STXBP4: variants seen among roughly 807,000 people sequenced by gnomAD.
STXBP4 encodes syntaxin binding protein 4, also known as syntaxin-binding protein 4.
Under a neutral mutation model 76.1 loss-of-function variants are expected in STXBP4, and 55 were observed. The observed-to-expected ratio is 0.72, with a 90% CI of 0.58 to 0.91. The LOEUF (loss-of-function observed/expected upper bound fraction) is 0.91. Among genes scored for constraint, STXBP4 ranks in the 40% least tolerant of loss-of-function variants. The pLI is 0.00. For synonymous variants in STXBP4, 201 were observed against 220.2 expected (o/e 0.91, Z 0.77); for missense variants, 618 against 636.9 (o/e 0.97, Z 0.32).
chr17:55,159,973 T>A lies in STXBP4; in HGVS notation c.*62T>A. ...TGAGCAGAGACGCATAACATCCAAT[T>A]CTGAGATGAAACAGTCTAAAATAGG... On this transcript the variant is annotated 3_prime_UTR_variant, in exon 18 of 18. Transcript: ENST00000376352. 1 of 1,046,074 alleles carries A rather than the reference T, an allele frequency of 9.6e-7. No individual in the cohort carries two copies. The allele number at this position is 1,046,074 out of a possible 1,614,324, so 64.8% of individuals were successfully genotyped here.
At position 55,167,536 on chromosome 17, in the gene STXBP4, G is replaced by A. The variant is rs544711639; in HGVS notation, c.*7625G>A. 2 of 152,322 alleles carry A rather than the reference G, an allele frequency of 1.3e-5. No homozygotes were observed. Among genetic ancestry groups the A allele is most frequent in the South Asian group, 4.1e-4 (2 of 4,822 alleles). The allele number at this position is 152,322 out of a possible 1,614,324, so 9.4% of individuals were successfully genotyped here. ...CCATAAAACTCACAGTATGATCGCA[G>A]TAAAAGGATTGTAAAGCACATACTC... On this transcript the variant is annotated 3_prime_UTR_variant, in exon 18 of 18. Coordinates refer to ENST00000376352, the MANE Select transcript of STXBP4 (RefSeq NM_178509.6).
At position 55,162,587 on chromosome 17, in the gene STXBP4, CAA is replaced by C. The variant is rs2080346435; in HGVS notation, c.*2679_*2680del. 1 of 149,218 alleles carries C rather than the reference CAA, an allele frequency of 6.7e-6. No individual in the cohort carries two copies. Among genetic ancestry groups the C allele is most frequent in the African/African-American group, 2.5e-5 (1 of 40,722 alleles). 9.2% of individuals were successfully genotyped at this position (149,218 alleles called of 1,614,324 possible). On this transcript the variant is annotated 3_prime_UTR_variant, in exon 18 of 18. Coordinates refer to ENST00000376352, the MANE Select transcript of STXBP4 (RefSeq NM_178509.6). ...TCTTGATTTAAAAAAAAAAAAACAA[CAA>C]AAGAGTTTGTGTGTGGCCAGGACTA...
chr17:55,212,663 CTGTT>C, the STXBP4 span, among the ~76,000 whole-genome samples: 2 of 152,106 alleles, frequency 1.3e-5, no homozygotes, highest in Non-Finnish European at 2.9e-5. Flanking sequence ...CATCTTCTCA[CTGTT>C]TGTTAAAATG....
At chr17:55,066,267 A>T (rs762510122) in intron 12 of STXBP4, among the ~76,000 whole-genome samples, 11 of 152,062 alleles carry the variant, frequency 7.2e-5, no homozygotes, top group Non-Finnish European at 1.5e-4. Context: ...TGTGTCACCC[A>T]GGCTAGAGTG....
intron 16 of STXBP4, among the ~76,000 whole-genome samples, chr17:55,106,747 T>C (rs1423166233): frequency 1.3e-5 from 2 of 152,240 alleles, no homozygotes; most frequent in African/African-American, 2.4e-5. Context: ...TATGAAATTC[T>C]GGGTTGAAAA....
At chr17:55,080,220 C>T (rs375921263) in intron 15 of STXBP4, among the ~76,000 whole-genome samples, 4 of 152,138 alleles carry the variant, frequency 2.6e-5, no homozygotes, top group South Asian at 2.1e-4. Context: ...AGCTACATCA[C>T]GCAACATTTC....
chr17:55,120,267 A>G (rs1330964357), intron 16 of STXBP4, among the ~76,000 whole-genome samples: 1 of 152,232 alleles, frequency 6.6e-6, no homozygotes. Flanking sequence ...TTTTCAAATT[A>G]AAATTCCATA....
chr17:55,019,684 C>A (rs1381979565), intron 8 of STXBP4, among the ~76,000 whole-genome samples: 1 of 151,994 alleles, frequency 6.6e-6, no homozygotes, highest in Non-Finnish European at 1.5e-5. Flanking sequence ...CTCTAAGTAA[C>A]CCCTTTAAAT....
chr17:54,972,919 T>A (rs551283082), intron 1 of STXBP4, among the ~76,000 whole-genome samples: 2 of 152,204 alleles, frequency 1.3e-5, no homozygotes, highest in African/African-American at 2.4e-5. Context: ...AGTGAATTCA[T>A]CTCTGCCTGG....
At chr17:55,186,591 A>G in the STXBP4 span, among the ~76,000 whole-genome samples, 1 of 152,228 alleles carries the variant, frequency 6.6e-6, no homozygotes, top group Non-Finnish European at 1.5e-5. Context: ...TGGAAGTTAC[A>G]AGGCAGCTGA....
intron 12 of STXBP4, among the ~76,000 whole-genome samples, chr17:55,060,717 G>A (rs898131426): frequency 6.6e-6 from 1 of 152,052 alleles, no homozygotes; most frequent in African/African-American, 2.4e-5. Flanking sequence ...CAGAATAACC[G>A]AGCTTAAGTT....
At chr17:55,075,034 G>GTTAT (rs1162493479) in intron 13 of STXBP4, among the ~76,000 whole-genome samples, 8 of 151,270 alleles carry the variant, frequency 5.3e-5, no homozygotes, top group South Asian at 2.1e-4. Context: ...TTTTCTTTAT[G>GTTAT]TTATTTATTT....
At chr17:55,077,988 T>C (rs1173079406) in intron 13 of STXBP4, 90 bp from the exon 14 acceptor site, 2 of 759,210 alleles carry the variant, frequency 2.6e-6, no homozygotes, top group African/African-American at 3.6e-5. Flanking sequence ...TTTGGTAATA[T>C]TGAATATTAG....
At chr17:54,996,644 A>G (rs2077808347) in intron 4 of STXBP4, among the ~76,000 whole-genome samples, 1 of 152,152 alleles carries the variant, frequency 6.6e-6, no homozygotes, top group African/African-American at 2.4e-5. Context: ...AGCTAAGAAA[A>G]TAGAGGTTCA....
downstream of STXBP4, among the ~76,000 whole-genome samples, chr17:55,177,027 A>G (rs1023150998): frequency 3.9e-5 from 6 of 152,062 alleles, no homozygotes; most frequent in Middle Eastern, 6.3e-3. Flanking sequence ...CTGGGACCAA[A>G]TTACACCCCT....
At chr17:55,133,485 G>A (rs968269646) in intron 16 of STXBP4, among the ~76,000 whole-genome samples, 1 of 152,172 alleles carries the variant, frequency 6.6e-6, no homozygotes, top group Non-Finnish European at 1.5e-5. Flanking sequence ...TCTGGGTCAC[G>A]TATGAATAGT....
chr17:55,012,414 A>G, intron 8 of STXBP4, among the ~76,000 whole-genome samples: 1 of 152,030 alleles, frequency 6.6e-6, no homozygotes, highest in South Asian at 2.1e-4. Flanking sequence ...TTTTGCTTCA[A>G]TATCTGCTTG....
chr17:55,088,853 T>G (rs76057334), intron 16 of STXBP4, among the ~76,000 whole-genome samples: 1,777 of 152,330 alleles, frequency 0.012, 33 homozygotes, highest in African/African-American at 0.04. Context: ...GGAACATGAA[T>G]GCTTTCCACA....
At position 55,008,966 on chromosome 17, in the gene STXBP4, A is replaced by G. The variant is rs144830636; in HGVS notation, c.666+1369A>G. Among the ~76,000 whole-genome samples, 588 of 152,320 alleles carry G rather than the reference A, an allele frequency of 3.9e-3. 1 individual carries two copies. Among genetic ancestry groups the G allele is most frequent in the Admixed American group, 6.1e-3 (94 of 15,288 alleles). On this transcript the variant is annotated intron_variant, in intron 8 of 17. Coordinates refer to ENST00000376352, the MANE Select transcript of STXBP4 (RefSeq NM_178509.6). ...CTCCTTCATTCAGACTTTGCTAACT[A>G]TTATAGTTCGGACCAACATTGCCTT... is the stretch of plus-strand genomic sequence containing the variant.
Sources: allele counts gnomAD v4.1 joint callset (sites outside exome capture counted in the v4.1 genomes callset), GRCh38; gene constraint gnomAD v4.1.1; transcripts MANE v1.5; gene names NCBI Gene and HGNC (gene_info 2026-07-23, HGNC 2026-07-21).